Variants in PLCH1 observed in about 807,000 individuals in gnomAD.
PLCH1 encodes phospholipase C eta 1.
A neutral mutation model predicts 126.7 loss-of-function variants in PLCH1; 60 were observed. The observed-to-expected ratio is 0.47, with a 90% CI of 0.38 to 0.59. The LOEUF (loss-of-function observed/expected upper bound fraction) is 0.59. Among genes scored for constraint, PLCH1 ranks in the 20% least tolerant of loss-of-function variants. The probability of loss-of-function intolerance (pLI) is 0.00; values close to 1 mark genes in which losing one functional copy is unlikely to be tolerated. For missense variants in PLCH1, 1,723 were observed against 2,040.0 expected, an observed-to-expected ratio of 0.84 and a Z score of 2.99; for synonymous variants, 719 against 734.9, an observed-to-expected ratio of 0.98 and a Z score of 0.35.
At chr3:155,534,180 G>A (rs1465683661) in intron 10 of PLCH1, among the ~76,000 whole-genome samples, 1 of 152,200 alleles carries the variant, frequency 6.6e-6, no homozygotes, top group Non-Finnish European at 1.5e-5. Flanking sequence ...GACACTCAAT[G>A]CCAGCCTGTG....
rs114873168 is a variant in PLCH1, at chr3:155,513,561, C to T, written c.1632+1162G>A. 4.7e-3 allele frequency among the ~76,000 whole-genome samples: 717 copies of T among 152,230 alleles called. 7 individuals carry two copies. The highest frequency in any genetic ancestry group is 0.017 in the African/African-American group (693 of 41,532). On this transcript the variant is annotated intron_variant, in intron 12 of 22. Coordinates refer to ENST00000460012, the MANE Select transcript of PLCH1 (RefSeq NM_014996.4). ...AGAAGCAGAATCAAGATGGGCTAAA[C>T]AAGTCTGATCTTACAGGCACTTGTG...
intron 2 of PLCH1, among the ~76,000 whole-genome samples, chr3:155,644,120 G>C (rs1172405773): frequency 6.6e-6 from 1 of 152,184 alleles, no homozygotes; most frequent in East Asian, 1.9e-4. Context: ...TACAGAGGCA[G>C]TACCTTGTAG....
At chr3:155,566,241 A>G (rs550807825) in intron 7 of PLCH1, among the ~76,000 whole-genome samples, 1 of 106,006 alleles carries the variant, frequency 9.4e-6, no homozygotes, top group African/African-American at 3.5e-5. Flanking sequence ...ATATATATAC[A>G]TATATATACG....
chr3:155,488,784 T>C lies in PLCH1; in HGVS notation c.2415A>G (p.Glu805=), dbSNP rs1408973035. 1 of 1,612,670 alleles carries C rather than the reference T, an allele frequency of 6.2e-7. No homozygotes were observed. The highest frequency in any genetic ancestry group is 8.5e-7 in the Non-Finnish European group (1 of 1,179,512). ...DDNGFNPVWE[E]TLTFTVHMPE... Reference sequence around the variant, plus strand: ...GCATGTGTACTGTAAATGTCAGTGTTTCTTCCCACACAGGGTTAAATCCTC... The same window carrying C: ...GCATGTGTACTGTAAATGTCAGTGTCTCTTCCCACACAGGGTTAAATCCTC... The change falls in exon 20 of 23, where the codon GAA becomes GAG. Residue 805 remains glutamate (E), a synonymous_variant. Transcript: ENST00000460012.
rs975263162 is a variant in PLCH1, at chr3:155,744,981, C to G, written c.-182G>C. 3 of 152,704 alleles carry G rather than the reference C, an allele frequency of 2.0e-5. No homozygotes were observed. Among genetic ancestry groups the G allele is most frequent in the East Asian group, 3.9e-4 (2 of 5,182 alleles). The allele number at this position is 152,704 out of a possible 1,614,324, so 9.5% of individuals were successfully genotyped here. A position where few individuals can be genotyped will look rare whatever the true frequency, so the allele number is the denominator to read the frequency against. On this transcript the variant is annotated 5_prime_UTR_variant, in exon 1 of 23. Coordinates refer to ENST00000460012, the MANE Select transcript of PLCH1 (RefSeq NM_014996.4). ...CCCTGCCAAGGGCCAGAAAAGCCCCCCTAGAAGAGCACTTCTCCCCACTAG... is the reference window on the plus strand; with the variant it reads ...CCCTGCCAAGGGCCAGAAAAGCCCCGCTAGAAGAGCACTTCTCCCCACTAG...
chr3:155,551,399 C>G (rs1726094373), intron 9 of PLCH1, among the ~76,000 whole-genome samples: 1 of 121,918 alleles, frequency 8.2e-6, no homozygotes, highest in Admixed American at 1.1e-4. Context: ...GAGCTGAGAT[C>G]ATGCCACTGC....
chr3:155,646,746 C>T (rs1740105200), intron 2 of PLCH1, among the ~76,000 whole-genome samples: 1 of 152,190 alleles, frequency 6.6e-6, no homozygotes, highest in Non-Finnish European at 1.5e-5. Context: ...AACCTCCTCC[C>T]TAACGAGTCA....
intron 21 of PLCH1, among the ~76,000 whole-genome samples, chr3:155,454,835 C>T (rs556845649): frequency 7.9e-4 from 120 of 152,152 alleles, no homozygotes; most frequent in Admixed American, 2.5e-3. Context: ...CAAGGTAACT[C>T]GACATTTTGT....
intron 10 of PLCH1, among the ~76,000 whole-genome samples, chr3:155,534,500 T>G (rs1042316692): frequency 3.3e-5 from 5 of 152,190 alleles, no homozygotes; most frequent in African/African-American, 4.8e-5. Flanking sequence ...AGAAGGGACT[T>G]CCCTCGTCTC....
chr3:155,731,986 CAAA>C (rs11449385), intron 1 of PLCH1, among the ~76,000 whole-genome samples: 5 of 68,282 alleles, frequency 7.3e-5, no homozygotes, highest in Admixed American at 3.4e-4. Flanking sequence ...GACCCTGTCT[CAAA>C]AAAAAAAAAA....
At chr3:155,676,434 GA>G in intron 2 of PLCH1, 4 of 988,364 alleles carry the variant, frequency 4.0e-6, no homozygotes, top group Non-Finnish European at 4.8e-6. Context: ...TAATGTCTGG[GA>G]AGTGTAGGTC....
chr3:155,662,460 C>T (rs1339833688), intron 2 of PLCH1, among the ~76,000 whole-genome samples: 3 of 150,494 alleles, frequency 2.0e-5, no homozygotes, highest in African/African-American at 4.9e-5. Context: ...AGAGTGACAC[C>T]GTCTCTAAAA....
intron 22 of PLCH1, chr3:155,483,296 T>C (rs1714481641): frequency 1.6e-6 from 2 of 1,244,334 alleles, no homozygotes; most frequent in South Asian, 1.4e-5. Flanking sequence ...GGATGTAATA[T>C]TCATTGTCAA....
chr3:155,525,460 C>T (rs1473410939), intron 10 of PLCH1, among the ~76,000 whole-genome samples: 1 of 152,162 alleles, frequency 6.6e-6, no homozygotes, highest in Non-Finnish European at 1.5e-5. Context: ...TTCCCAGCAT[C>T]TAGATCCACG....
chr3:155,738,773 C>T (rs1243783266), intron 1 of PLCH1, among the ~76,000 whole-genome samples: 4 of 147,434 alleles, frequency 2.7e-5, no homozygotes, highest in Non-Finnish European at 6.0e-5. Context: ...GACAACAGAG[C>T]GAGACTCCAC....
At chr3:155,669,130 T>C (rs1743120857) in intron 2 of PLCH1, among the ~76,000 whole-genome samples, 1 of 151,746 alleles carries the variant, frequency 6.6e-6, no homozygotes, top group South Asian at 2.1e-4. Flanking sequence ...CATCACCACT[T>C]GCTTTCATCC....
rs748935444 is a variant in PLCH1 at position 155,739,465 on chromosome 3, C to T, written c.-41+5375G>A. Among the ~76,000 whole-genome samples the T allele has an allele frequency of 3.3e-5, 5 of 152,042 alleles. No homozygotes were observed. In the East Asian group the frequency reaches 9.6e-4, roughly 29 times the overall value. ...CTAAACACCACTTCCAAAAACATAGCCCACATCGTTTATAAACAAAGTCGT... is the reference window on the plus strand; with the variant it reads ...CTAAACACCACTTCCAAAAACATAGTCCACATCGTTTATAAACAAAGTCGT... On this transcript the variant is annotated intron_variant, in intron 1 of 22. Coordinates refer to ENST00000460012, the MANE Select transcript of PLCH1 (RefSeq NM_014996.4).
Position 155,596,349 on chromosome 3 carries a change from C to T in PLCH1, c.109G>A (p.Gly37Arg), listed in dbSNP as rs371060658. The part of the protein sequence containing the change: ...VERCMSVMQS[G>R]TQMIKLKRGT... ...CGTTTCAGCTTGATCATCTGTGTCC[C>T]GGACTGCATCACACTCATGCATCTT... The change falls in exon 3 of 23, where the codon GGG (glycine) becomes AGG (arginine). Residue 37 changes from glycine to arginine, a missense_variant. Gly to Arg is a moderately radical substitution (Grantham distance 125). Around this residue, in one of 2 missense-constraint regions of PLCH1, gnomAD observed 776 missense variants for 1,062.9 expected, o/e 0.73. Transcript: ENST00000460012. 2 of 1,613,216 alleles carry T rather than the reference C, an allele frequency of 1.2e-6. No homozygotes were observed. Among genetic ancestry groups the T allele is most frequent in the African/African-American group, 1.3e-5 (1 of 74,880 alleles).
intron 2 of PLCH1, among the ~76,000 whole-genome samples, chr3:155,615,580 C>T (rs1487527722): frequency 6.6e-6 from 1 of 151,858 alleles, no homozygotes; most frequent in Non-Finnish European, 1.5e-5. Context: ...GTAATACTGT[C>T]CAGTCATAAA....
Sources: allele counts gnomAD v4.1 joint callset (sites outside exome capture counted in the v4.1 genomes callset), GRCh38; gene constraint gnomAD v4.1.1; regional missense constraint gnomAD v4.1.1; transcripts MANE v1.5; gene names NCBI Gene and HGNC (gene_info 2026-07-23, HGNC 2026-07-21).